The following IYD variants were observed in gnomAD, a reference collection of about 807,000 sequenced individuals.
The protein encoded by IYD is iodotyrosine deiodinase.
Under a neutral mutation model 28.4 loss-of-function variants are expected in IYD, and 25 were observed. The ratio of observed to expected loss-of-function variants is 0.88; its 90% CI spans 0.64 to 1.23. The LOEUF is 1.23. Ranked by LOEUF, IYD falls within the 50% of genes most tolerant of loss-of-function variation. The pLI, the probability that IYD is intolerant of heterozygous loss-of-function variation, is 0.00. For synonymous variants in IYD, 140 were observed against 130.8 expected (o/e 1.07, Z -0.48); for missense variants, 352 against 357.9 (o/e 0.98, Z 0.13).
At chr6:150,377,115 C>G (rs565327950) in intron 1 of IYD, among the ~76,000 whole-genome samples, 1 of 152,246 alleles carries the variant, frequency 6.6e-6, no homozygotes, top group African/African-American at 2.4e-5. Flanking sequence ...TTTGCAGACC[C>G]CCAGTGCAAA....
At chr6:150,397,815 T>C (rs1255623910) in intron 4 of IYD, among the ~76,000 whole-genome samples, 1 of 150,440 alleles carries the variant, frequency 6.6e-6, no homozygotes, top group African/African-American at 2.5e-5. Context: ...AAAATAATAG[T>C]ATTTTTCTTC....
Position 150,369,027 on chromosome 6 carries a change from A to G in IYD, c.-5A>G, listed in dbSNP as rs1049657309. On this transcript the variant is annotated 5_prime_UTR_variant, in exon 1 of 5. Coordinates refer to ENST00000344419, the MANE Select transcript of IYD (RefSeq NM_203395.3). ...GTGCACGCCTGTGACGTCAGACTCCAGACCATGTATTTCCTGACTCCCATC... is the reference window on the plus strand; with the variant it reads ...GTGCACGCCTGTGACGTCAGACTCCGGACCATGTATTTCCTGACTCCCATC... 6.2e-7 allele frequency: 1 copy of G among 1,613,996 alleles called. No homozygotes were observed. The highest frequency in any genetic ancestry group is 8.5e-7 in the Non-Finnish European group (1 of 1,179,948).
chr6:150,376,318 A>G (rs1036467878), intron 1 of IYD, among the ~76,000 whole-genome samples: 1 of 152,204 alleles, frequency 6.6e-6, no homozygotes, highest in East Asian at 1.9e-4. Flanking sequence ...TTTATTTAAC[A>G]TGTATAAGCA....
chr6:150,388,667 C>CTTTCTTTA (rs1325993583), intron 1 of IYD, among the ~76,000 whole-genome samples: 2 of 135,938 alleles, frequency 1.5e-5, no homozygotes, highest in African/African-American at 5.4e-5. Flanking sequence ...TTCTTTCTTT[C>CTTTCTTTA]TTTCTTTCTT....
At chr6:150,372,411 G>T (rs1270287749) in intron 1 of IYD, among the ~76,000 whole-genome samples, 1 of 70,692 alleles carries the variant, frequency 1.4e-5, no homozygotes, top group African/African-American at 4.6e-5. Flanking sequence ...GAGGGGTCAT[G>T]TTGTGTCCAT....
chr6:150,399,112 C>T lies in IYD; in HGVS notation c.*875C>T, dbSNP rs1438390196. On this transcript the variant is annotated 3_prime_UTR_variant, in exon 5 of 5. Coordinates refer to ENST00000344419, the MANE Select transcript of IYD (RefSeq NM_203395.3). ...CAGGACAGGGTACCCTTGGGTCGCA[C>T]GGGCCTGGCTGGCATGTAAACGGTC... The T allele has an allele frequency of 4.6e-5, 7 of 152,338 alleles. No individual in the cohort carries two copies. Among genetic ancestry groups the T allele is most frequent in the East Asian group, 1.9e-4 (1 of 5,192 alleles). The allele number at this position is 152,338 out of a possible 1,614,324, so 9.4% of individuals were successfully genotyped here.
At chr6:150,397,921 G>A (rs1253494945) in intron 4 of IYD, 134 bp from the exon 5 acceptor site, 1 of 853,562 alleles carries the variant, frequency 1.2e-6, no homozygotes, top group Non-Finnish European at 1.9e-6. Context: ...TGAGCTGGCA[G>A]CCTCTTTGCT....
intron 1 of IYD, among the ~76,000 whole-genome samples, chr6:150,383,940 G>T (rs1307004691): frequency 6.6e-6 from 1 of 151,980 alleles, no homozygotes; most frequent in Non-Finnish European, 1.5e-5. Flanking sequence ...TCAAGGCATG[G>T]GATACACATC....
At chr6:150,380,313 C>G (rs1404824941) in intron 1 of IYD, among the ~76,000 whole-genome samples, 1 of 152,032 alleles carries the variant, frequency 6.6e-6, no homozygotes, top group Non-Finnish European at 1.5e-5. Context: ...CCTAAAACAC[C>G]ACAACTACCA....
intron 1 of IYD, chr6:150,370,433 GT>G: frequency 1.1e-5 from 10 of 945,132 alleles, no homozygotes; most frequent in Non-Finnish European, 1.3e-5. Context: ...GAGTGTGTTT[GT>G]GAGAGAGTGT....
intron 2 of IYD, among the ~76,000 whole-genome samples, chr6:150,390,890 C>A (rs1281574903): frequency 6.6e-6 from 1 of 152,082 alleles, no homozygotes; most frequent in Non-Finnish European, 1.5e-5. Flanking sequence ...TTCCCGAAGT[C>A]CCCCCGGGAG....
At chr6:150,389,634 G>A (rs749146523) in intron 2 of IYD, 91 bp downstream of exon 2, 126 of 1,135,118 alleles carry the variant, frequency 1.1e-4, no homozygotes, top group African/African-American at 8.7e-4. Flanking sequence ...TAAACATAGC[G>A]AATAAAGCCT....
At chr6:150,373,381 G>A (rs915190858) in intron 1 of IYD, among the ~76,000 whole-genome samples, 1 of 152,144 alleles carries the variant, frequency 6.6e-6, no homozygotes, top group African/African-American at 2.4e-5. Context: ...TCAGCCTCAT[G>A]CTTCTGAAAG....
At chr6:150,378,612 G>T (rs181624029) in intron 1 of IYD, among the ~76,000 whole-genome samples, 2 of 152,220 alleles carry the variant, frequency 1.3e-5, no homozygotes, top group South Asian at 2.1e-4. Context: ...CACCAGTTAG[G>T]ATGGCAATCA....
In IYD at chr6:150,404,363, A is replaced by G. The variant is rs1778591723; in HGVS notation, c.*6126A>G. Reference sequence around the variant, plus strand: ...GCTTATGATTCCAATTTGAAATGTGAAATTGATTTTACGTTTGTGATTTGA... The same window carrying G: ...GCTTATGATTCCAATTTGAAATGTGGAATTGATTTTACGTTTGTGATTTGA... On this transcript the variant is annotated 3_prime_UTR_variant, in exon 5 of 5. Coordinates refer to ENST00000344419, the MANE Select transcript of IYD (RefSeq NM_203395.3). 6.6e-6 allele frequency: 1 copy of G among 152,212 alleles called. No homozygotes were observed. Among genetic ancestry groups the G allele is most frequent in the Non-Finnish European group, 1.5e-5 (1 of 68,036 alleles). 9.4% of individuals were successfully genotyped at this position (152,212 alleles called of 1,614,324 possible). A position where few individuals can be genotyped will look rare whatever the true frequency, so the allele number is the denominator to read the frequency against.
intron 1 of IYD, among the ~76,000 whole-genome samples, chr6:150,375,290 A>C (rs1211702756): frequency 6.6e-6 from 1 of 152,114 alleles, no homozygotes; most frequent in Non-Finnish European, 1.5e-5. Context: ...GGTGGGCCAA[A>C]GTGTGGAGGT....
intron 1 of IYD, among the ~76,000 whole-genome samples, chr6:150,378,614 T>C (rs928666611): frequency 5.3e-5 from 8 of 152,264 alleles, no homozygotes; most frequent in Admixed American, 4.6e-4. Flanking sequence ...CCAGTTAGGA[T>C]GGCAATCATC....
Position 150,387,386 on chromosome 6 carries a change from C to T in IYD, c.179-1966C>T, listed in dbSNP as rs1452773864. ...GTCCAGCCTGGGCAACATAGCAAGA[C>T]CCCATTTCTAATTTTAAAAGAAGAG... On this transcript the variant is annotated intron_variant, in intron 1 of 4. Coordinates refer to ENST00000344419, the MANE Select transcript of IYD (RefSeq NM_203395.3). Among the ~76,000 whole-genome samples, 4 of 148,614 alleles carry T rather than the reference C, an allele frequency of 2.7e-5. No individual in the cohort carries two copies. The East Asian group carries it at 7.9e-4, about 29-fold the overall frequency.
At chr6:150,369,291 G>T in intron 1 of IYD, 82 bp downstream of exon 1, 2 of 1,396,542 alleles carry the variant, frequency 1.4e-6, no homozygotes, top group Non-Finnish European at 2.0e-6. Context: ...GGCTTATGGA[G>T]AGGAAGAAAC....
Sources: gnomAD v4.1 joint callset for allele counts (sites outside exome capture counted in the v4.1 genomes callset) on GRCh38, gnomAD v4.1.1 for gene constraint, MANE v1.5 for transcripts, NCBI Gene and HGNC (gene_info 2026-07-23, HGNC 2026-07-21) for gene names.